Variants in PCDH9 observed in about 807,000 individuals in gnomAD.
The protein encoded by PCDH9 is protocadherin 9, also known as protocadherin-9.
Under a neutral mutation model 70.6 loss-of-function variants are expected in PCDH9, and 24 were observed. The ratio of observed to expected loss-of-function variants is 0.34; its 90% CI spans 0.25 to 0.48. The LOEUF (loss-of-function observed/expected upper bound fraction) is 0.48, where lower values mean the gene tolerates loss of function less well. PCDH9 is among the 20% of genes least tolerant of loss of function. The pLI, the probability that PCDH9 is intolerant of heterozygous loss-of-function variation, is 0.99. For synonymous variants in PCDH9, 562 were observed against 558.5 expected, an observed-to-expected ratio of 1.01 and a Z score of -0.09; for missense variants, 1,281 against 1,503.6, an observed-to-expected ratio of 0.85 and a Z score of 2.45.
intron 4 of PCDH9, among the ~76,000 whole-genome samples, chr13:66,375,121 C>T (rs1956725069): frequency 1.3e-5 from 2 of 151,976 alleles, no homozygotes; most frequent in East Asian, 1.9e-4. Flanking sequence ...AATTTCATTG[C>T]CAATAGTATA....
At chr13:66,827,368 A>G (rs5804298) in intron 3 of PCDH9, among the ~76,000 whole-genome samples, 1 of 150,592 alleles carries the variant, frequency 6.6e-6, no homozygotes, top group Non-Finnish European at 1.5e-5. Flanking sequence ...GGCAAAAAAA[A>G]AAAAAAGAAA....
At chr13:66,424,855 T>C (rs983384357) in intron 4 of PCDH9, among the ~76,000 whole-genome samples, 1 of 151,936 alleles carries the variant, frequency 6.6e-6, no homozygotes, top group African/African-American at 2.4e-5. Context: ...ATGATTTTGG[T>C]AACAGGAATT....
At chr13:66,765,080 G>GTCTC (rs1462831793) in intron 3 of PCDH9, among the ~76,000 whole-genome samples, 2 of 4,904 alleles carry the variant, frequency 4.1e-4, no homozygotes, top group Middle Eastern at 0.17. Context: ...GCCTCTGTCT[G>GTCTC]TCTCTCTCTC....
At chr13:66,789,725 G>T (rs2080134621) in intron 3 of PCDH9, among the ~76,000 whole-genome samples, 1 of 151,988 alleles carries the variant, frequency 6.6e-6, no homozygotes, top group African/African-American at 2.4e-5. Flanking sequence ...AATTTCTATA[G>T]ACCATATAAT....
chr13:66,634,231 C>G (rs753649517), intron 3 of PCDH9, among the ~76,000 whole-genome samples: 25 of 152,222 alleles, frequency 1.6e-4, no homozygotes, highest in Non-Finnish European at 3.5e-4. Flanking sequence ...CACAATCTAT[C>G]AGTCTGATGG....
intron 2 of PCDH9, among the ~76,000 whole-genome samples, chr13:67,056,840 A>G (rs1327091127): frequency 6.6e-6 from 1 of 152,102 alleles, no homozygotes; most frequent in Non-Finnish European, 1.5e-5. Context: ...CATCTACCAC[A>G]CCATCATGAA....
chr13:67,140,259 C>T, intron 2 of PCDH9, among the ~76,000 whole-genome samples: 1 of 152,098 alleles, frequency 6.6e-6, no homozygotes, highest in Non-Finnish European at 1.5e-5. Flanking sequence ...ATTATGATGG[C>T]TACAGGTAAC....
At chr13:67,068,051 A>G (rs932093174) in intron 2 of PCDH9, among the ~76,000 whole-genome samples, 10 of 152,144 alleles carry the variant, frequency 6.6e-5, no homozygotes, top group African/African-American at 2.2e-4. Flanking sequence ...AAATAACTTC[A>G]GAAAGCAGTG....
chr13:66,666,456 A>G (rs1482762588), intron 3 of PCDH9, among the ~76,000 whole-genome samples: 1 of 150,016 alleles, frequency 6.7e-6, no homozygotes, highest in East Asian at 2.0e-4. Context: ...ATTTCTCCAT[A>G]TTTTGGATGC....
intron 2 of PCDH9, among the ~76,000 whole-genome samples, chr13:67,075,402 G>A (rs899284674): frequency 8.5e-5 from 13 of 152,066 alleles, no homozygotes; most frequent in Non-Finnish European, 1.8e-4. Flanking sequence ...ACTGACAAAT[G>A]CAGTTTCTTA....
chr13:66,827,982 TA>T (rs199516252), intron 3 of PCDH9, among the ~76,000 whole-genome samples: 2,985 of 152,274 alleles, frequency 0.02, 90 homozygotes, highest in African/African-American at 0.068. Context: ...TTTATCTTGT[TA>T]AAAAATATAA....
chr13:66,969,356 TCTTATTGCCCATTGTTATATTCAGCAG>T (rs1450722862), intron 2 of PCDH9, among the ~76,000 whole-genome samples: 15 of 152,126 alleles, frequency 9.9e-5, no homozygotes, highest in South Asian at 6.2e-4. Flanking sequence ...CATTTCAATG[TCTTATTGCCCATTGTTATATTCAGCAG>T]CTTATTGCCC....
At chr13:66,677,888 A>G (rs75044116) in intron 3 of PCDH9, among the ~76,000 whole-genome samples, 339 of 152,290 alleles carry the variant, frequency 2.2e-3, no homozygotes, top group Non-Finnish European at 4.0e-3. Flanking sequence ...TTGAATAAAT[A>G]TTTTAAAGTA....
At chr13:67,029,024 C>T (rs867886371) in intron 2 of PCDH9, among the ~76,000 whole-genome samples, 1 of 152,014 alleles carries the variant, frequency 6.6e-6, no homozygotes, top group Non-Finnish European at 1.5e-5. Flanking sequence ...ATGTATTTCC[C>T]TAACTTTATT....
At chr13:67,118,687 A>G (rs1009136044) in intron 2 of PCDH9, among the ~76,000 whole-genome samples, 2 of 152,140 alleles carry the variant, frequency 1.3e-5, no homozygotes, top group Non-Finnish European at 1.5e-5. Context: ...TTGCAAAGCA[A>G]GAAGCCAGAG....
intron 3 of PCDH9, among the ~76,000 whole-genome samples, chr13:66,666,372 G>T (rs1447160491): frequency 1.3e-5 from 2 of 152,080 alleles, no homozygotes; most frequent in African/African-American, 4.8e-5. Context: ...GCTGGCTCAA[G>T]GTCCCATTTG....
Position 67,225,742 on chromosome 13 carries a change from A to T in PCDH9, c.2699T>A (p.Ile900Asn). The change falls in exon 2 of 5, where the codon ATC becomes AAC. Residue 900 changes from isoleucine to asparagine, a missense_variant. By Grantham distance (149) the Ile-to-Asn change is moderately radical. This residue lies in a region of PCDH9 where 207 missense variants were observed against 191.8 expected (regional missense o/e 1.08). Coordinates refer to ENST00000377865, the MANE Select transcript of PCDH9 (RefSeq NM_203487.3). ...SKPDDAVHEP[I>N]NGTISLPAEL... Reference sequence around the variant, plus strand: ...AGCCGGCAGGCTTATTGTCCCATTGATAGGTTCATGAACTGCATCATCGGG... The same window carrying T: ...AGCCGGCAGGCTTATTGTCCCATTGTTAGGTTCATGAACTGCATCATCGGG... 6.2e-7 allele frequency: 1 copy of T among 1,614,060 alleles called. No individual in the cohort carries two copies. The highest frequency in any genetic ancestry group is 8.5e-7 in the Non-Finnish European group (1 of 1,179,966).
At chr13:67,064,301 C>G (rs1031507027) in intron 2 of PCDH9, among the ~76,000 whole-genome samples, 2 of 152,126 alleles carry the variant, frequency 1.3e-5, no homozygotes, top group African/African-American at 4.8e-5. Context: ...AAAAAACAAC[C>G]TGTGCAGCGA....
chr13:67,005,927 T>C (rs944219629), intron 2 of PCDH9, among the ~76,000 whole-genome samples: 1 of 152,084 alleles, frequency 6.6e-6, no homozygotes, highest in Non-Finnish European at 1.5e-5. Context: ...CATAACAGTA[T>C]AAAAATTGGA....
Sources: allele counts gnomAD v4.1 joint callset (sites outside exome capture counted in the v4.1 genomes callset), GRCh38; gene constraint gnomAD v4.1.1; regional missense constraint gnomAD v4.1.1; transcripts MANE v1.5; gene names NCBI Gene and HGNC (gene_info 2026-07-23, HGNC 2026-07-21).